PDE10A: variants seen among roughly 807,000 people sequenced by gnomAD.
The protein encoded by PDE10A is phosphodiesterase 10A, also known as cAMP and cAMP-inhibited cGMP 3',5'-cyclic phosphodiesterase 10A.
In PDE10A, 39 loss-of-function variants were observed where a neutral mutation model predicts 97.7. The ratio of observed to expected loss-of-function variants is 0.40; its 90% CI spans 0.31 to 0.52. The LOEUF (loss-of-function observed/expected upper bound fraction) is 0.52. Among genes scored for constraint, PDE10A ranks in the 20% least tolerant of loss-of-function variants. The pLI is 0.56. For synonymous variants in PDE10A, 371 were observed against 376.8 expected (o/e 0.98, Z 0.18); for missense variants, 731 against 1,047.8 (o/e 0.70, Z 4.17).
intron 1 of PDE10A, among the ~76,000 whole-genome samples, chr6:165,951,024 AT>A (rs1266350244): frequency 2.0e-5 from 3 of 152,180 alleles, no homozygotes; most frequent in Non-Finnish European, 4.4e-5. Context: ...GTTCTTACAT[AT>A]TGTATCATTT....
chr6:165,374,863 T>G (rs1264467717), intron 18 of PDE10A, among the ~76,000 whole-genome samples: 11 of 152,158 alleles, frequency 7.2e-5, no homozygotes, highest in Non-Finnish European at 1.6e-4. Context: ...GTGTTACATT[T>G]TGGTAATTTT....
At chr6:165,734,341 G>A (rs1792512882) in intron 1 of PDE10A, among the ~76,000 whole-genome samples, 1 of 152,038 alleles carries the variant, frequency 6.6e-6, no homozygotes, top group South Asian at 2.1e-4. Flanking sequence ...GCTTCTCACA[G>A]AAAAAGACGT....
At chr6:165,823,846 T>C (rs547317635) in intron 1 of PDE10A, among the ~76,000 whole-genome samples, 1 of 152,270 alleles carries the variant, frequency 6.6e-6, no homozygotes, top group South Asian at 2.1e-4. Flanking sequence ...ACCGCTGTCA[T>C]ATATGCAATC....
chr6:165,818,418 G>A (rs895939591), intron 1 of PDE10A, among the ~76,000 whole-genome samples: 2 of 152,162 alleles, frequency 1.3e-5, no homozygotes, highest in African/African-American at 2.4e-5. Context: ...ACTCTGCGGG[G>A]AGTTGTAAAG....
At chr6:165,543,322 A>ATGTT (rs1783561840) in intron 2 of PDE10A, 118 bp downstream of exon 2, 1 of 669,390 alleles carries the variant, frequency 1.5e-6, no homozygotes, top group Non-Finnish European at 2.3e-6. Context: ...CTCTGATAGA[A>ATGTT]TTACAGTGTT....
chr6:165,727,439 A>C (rs4072989), intron 1 of PDE10A, among the ~76,000 whole-genome samples: 86,218 of 152,042 alleles, frequency 0.57, 24,611 homozygotes, highest in South Asian at 0.64. Flanking sequence ...GGGGCTTTTC[A>C]AAAGACAAGG....
intron 1 of PDE10A, chr6:165,660,034 G>T (rs532875559): frequency 6.6e-6 from 1 of 152,332 alleles, no homozygotes; most frequent in Admixed American, 6.5e-5. Flanking sequence ...AAGATAGAGC[G>T]TTCTTCAACC....
chr6:165,400,951 A>T (rs1305236167), intron 13 of PDE10A, among the ~76,000 whole-genome samples: 1 of 152,238 alleles, frequency 6.6e-6, no homozygotes, highest in Non-Finnish European at 1.5e-5. Context: ...AAAAAAGCCA[A>T]ATAATACAGA....
At chr6:165,644,495 G>A (rs1789295847) in intron 1 of PDE10A, among the ~76,000 whole-genome samples, 1 of 152,238 alleles carries the variant, frequency 6.6e-6, no homozygotes, top group Non-Finnish European at 1.5e-5. Context: ...CATGTACAAT[G>A]CCCAGAGGTA....
intron 1 of PDE10A, among the ~76,000 whole-genome samples, chr6:165,778,624 A>G (rs1353835039): frequency 6.6e-6 from 1 of 152,324 alleles, no homozygotes; most frequent in African/African-American, 2.4e-5. Context: ...TACTGAATAC[A>G]CAGTGCCTGA....
At chr6:165,565,734 C>A (rs1194853199) in intron 1 of PDE10A, among the ~76,000 whole-genome samples, 1 of 152,094 alleles carries the variant, frequency 6.6e-6, no homozygotes, top group Non-Finnish European at 1.5e-5. Flanking sequence ...ATAATGGATA[C>A]GTGGATCAAT....
intron 2 of PDE10A, among the ~76,000 whole-genome samples, chr6:165,507,554 C>T (rs1781270437): frequency 6.6e-6 from 1 of 152,084 alleles, no homozygotes; most frequent in African/African-American, 2.4e-5. Context: ...AGAAGTTCTA[C>T]AATCATCCAA....
chr6:165,557,918 T>C (rs1326902501), intron 1 of PDE10A, among the ~76,000 whole-genome samples: 1 of 152,220 alleles, frequency 6.6e-6, no homozygotes, highest in African/African-American at 2.4e-5. Flanking sequence ...GAAGTATAGC[T>C]GACGTGATTA....
rs1286174838 is a variant in PDE10A, at chr6:165,711,698, A to G, written c.-614-168130T>C. Among the ~76,000 whole-genome samples, 1 of 152,218 alleles carries G rather than the reference A, an allele frequency of 6.6e-6. No individual in the cohort carries two copies. Among genetic ancestry groups the G allele is most frequent in the African/African-American group, 2.4e-5 (1 of 41,458 alleles). ...AAGCCCCTTTAATACCTGCTGAGCT[A>G]CGTTCAGCTCAGGCACAAGCCTGTT... On this transcript the variant is annotated intron_variant, in intron 1 of 19. Coordinates refer to the PDE10A transcript ENST00000366882. This position sits in a 1 kb window ranked among gnomAD's most constrained non-coding sequence, Gnocchi z 4.5.
chr6:165,947,564 G>A (rs1160306395), intron 1 of PDE10A, among the ~76,000 whole-genome samples: 1 of 152,112 alleles, frequency 6.6e-6, no homozygotes, highest in Non-Finnish European at 1.5e-5. Context: ...GGAAAGAGAG[G>A]GTAAATAATG....
chr6:165,389,375 A>ATT (rs1370834523), intron 16 of PDE10A, among the ~76,000 whole-genome samples: 1 of 152,208 alleles, frequency 6.6e-6, no homozygotes, highest in Admixed American at 6.5e-5. Flanking sequence ...GACCAGGATA[A>ATT]TAACAGTGAA....
At chr6:165,806,462 CA>C (rs1344984037) in intron 1 of PDE10A, among the ~76,000 whole-genome samples, 1 of 152,228 alleles carries the variant, frequency 6.6e-6, no homozygotes, top group Non-Finnish European at 1.5e-5. Flanking sequence ...TCCCCATCCT[CA>C]ACTATTTCAC....
At chr6:165,629,050 C>T (rs1000610575) in intron 1 of PDE10A, among the ~76,000 whole-genome samples, 2 of 151,660 alleles carry the variant, frequency 1.3e-5, no homozygotes, top group African/African-American at 4.8e-5. Context: ...TGACTTCACA[C>T]TATTTCAGGA....
intron 17 of PDE10A, among the ~76,000 whole-genome samples, chr6:165,382,949 T>C (rs1481768095): frequency 2.0e-5 from 3 of 152,190 alleles, no homozygotes; most frequent in Admixed American, 1.3e-4. Flanking sequence ...TAGTGTTGAA[T>C]ATAAGTACAA....
Sources: gnomAD v4.1 joint callset for allele counts (sites outside exome capture counted in the v4.1 genomes callset) on GRCh38, gnomAD v4.1.1 for gene constraint, Gnocchi (gnomAD v3.1) non-coding constraint, MANE v1.5 for transcripts, NCBI Gene and HGNC (gene_info 2026-07-23, HGNC 2026-07-21) for gene names.